SLAIN2: variants seen among roughly 807,000 people sequenced by gnomAD.
SLAIN2 encodes SLAIN motif-containing protein 2.
A neutral mutation model predicts 56.6 loss-of-function variants in SLAIN2; 31 were observed. The ratio of observed to expected loss-of-function variants is 0.55; its 90% CI spans 0.41 to 0.74. SLAIN2 has a LOEUF of 0.74. Among genes scored for constraint, SLAIN2 ranks in the 30% least tolerant of loss-of-function variants. The probability of loss-of-function intolerance (pLI) is 0.00; values close to 1 mark genes in which losing one functional copy is unlikely to be tolerated. For missense variants in SLAIN2, 777 were observed against 754.2 expected, an observed-to-expected ratio of 1.03 and a Z score of -0.35; for synonymous variants, 317 against 284.9, an observed-to-expected ratio of 1.11 and a Z score of -1.13.
chr4:48,369,091 T>G (rs1715600672), intron 1 of SLAIN2, among the ~76,000 whole-genome samples: 1 of 152,244 alleles, frequency 6.6e-6, no homozygotes. Flanking sequence ...AGTGTCTTAT[T>G]TGAAAATCAC....
chr4:48,353,097 A>G (rs1440464250), intron 1 of SLAIN2, among the ~76,000 whole-genome samples: 3 of 152,194 alleles, frequency 2.0e-5, no homozygotes, highest in Admixed American at 1.3e-4. Flanking sequence ...TGTAAGTCCA[A>G]TTAAACCTCT....
intron 2 of SLAIN2, among the ~76,000 whole-genome samples, chr4:48,373,734 C>T (rs1715729174): frequency 6.6e-6 from 1 of 152,086 alleles, no homozygotes; most frequent in South Asian, 2.1e-4. Flanking sequence ...TTCAGAACAA[C>T]TTAAGTGTGC....
At chr4:48,408,225 G>T (rs1372597448) in intron 6 of SLAIN2, among the ~76,000 whole-genome samples, 1 of 152,082 alleles carries the variant, frequency 6.6e-6, no homozygotes, top group Non-Finnish European at 1.5e-5. Flanking sequence ...AGCCACTCAG[G>T]AGGGTGAGGT....
At chr4:48,364,682 C>T (rs1393471086) in intron 1 of SLAIN2, among the ~76,000 whole-genome samples, 2 of 122,724 alleles carry the variant, frequency 1.6e-5, no homozygotes, top group Admixed American at 8.0e-5. Context: ...GAGATCGGCC[C>T]GGCCAACACA....
chr4:48,395,766 T>C (rs1716360848), intron 6 of SLAIN2, among the ~76,000 whole-genome samples: 1 of 150,172 alleles, frequency 6.7e-6, no homozygotes. Context: ...TAATAGGGGT[T>C]ATTATAGAAA....
chr4:48,377,998 C>T lies in SLAIN2; in HGVS notation c.641C>T (p.Ser214Phe). The T allele has an allele frequency of 6.2e-7, 1 of 1,613,934 alleles. No individual in the cohort carries two copies. The highest frequency in any genetic ancestry group is 1.1e-5 in the South Asian group (1 of 91,084). Residue 214 changes from serine (S) to phenylalanine (F), a missense_variant, in exon 3 of 8, where the codon TCT becomes TTT. Coordinates refer to ENST00000264313, the MANE Select transcript of SLAIN2 (RefSeq NM_020846.2). ...AGCCCATACAGCAGTGGCTTCAATT[C>T]TCCATCCTCAACCCCAGTGCGACCT... ...ASSPYSSGFNSPSSTPVRPPI... is the reference protein window; with the variant it reads ...ASSPYSSGFNFPSSTPVRPPI...
intron 6 of SLAIN2, among the ~76,000 whole-genome samples, chr4:48,398,315 G>T (rs1478855696): frequency 6.6e-6 from 1 of 152,084 alleles, no homozygotes; most frequent in Non-Finnish European, 1.5e-5. Context: ...GTCTGTTTAT[G>T]TTCTTTGCCT....
At chr4:48,347,328 T>G (rs879736351) in intron 1 of SLAIN2, among the ~76,000 whole-genome samples, 1 of 92,378 alleles carries the variant, frequency 1.1e-5, no homozygotes, top group African/African-American at 4.1e-5. Context: ...CCACCCCCCC[T>G]CCCCCACCCC....
intron 2 of SLAIN2, among the ~76,000 whole-genome samples, chr4:48,371,090 G>GT (rs1234929718): frequency 4.0e-5 from 6 of 149,160 alleles, no homozygotes; most frequent in East Asian, 2.0e-4. Context: ...TTTTGTTTTT[G>GT]TTTTTTGTTT....
At chr4:48,381,957 T>G (rs1337106837) in intron 4 of SLAIN2, among the ~76,000 whole-genome samples, 1 of 152,156 alleles carries the variant, frequency 6.6e-6, no homozygotes, top group African/African-American at 2.4e-5. Context: ...TATAGGAGAA[T>G]TCTTTGAAAA....
At position 48,378,061 on chromosome 4, in the gene SLAIN2, G is replaced by A; in HGVS notation, c.703+1G>A. On this transcript the variant is annotated splice_donor_variant, in intron 3 of 7. Coordinates refer to ENST00000264313, the MANE Select transcript of SLAIN2 (RefSeq NM_020846.2). LOFTEE classifies it high-confidence loss of function. ...CAGCTTATACTTCCTGGAAATTCAGGTAAGGAGAAAATGATATGGAGCTAT... is the reference window on the plus strand; with the variant it reads ...CAGCTTATACTTCCTGGAAATTCAGATAAGGAGAAAATGATATGGAGCTAT... 6.2e-7 allele frequency: 1 copy of A among 1,611,970 alleles called. No homozygotes were observed. The highest frequency in any genetic ancestry group is 8.5e-7 in the Non-Finnish European group (1 of 1,179,304).
At chr4:48,421,004 T>G (rs1414525262) in intron 7 of SLAIN2, among the ~76,000 whole-genome samples, 1 of 150,444 alleles carries the variant, frequency 6.6e-6, no homozygotes, top group Non-Finnish European at 1.5e-5. Context: ...GTTTTTTGTT[T>G]TGTTTTTGTT....
chr4:48,369,680 T>G (rs1162356615), intron 1 of SLAIN2, among the ~76,000 whole-genome samples, 169 bp from the exon 2 acceptor site: 2 of 152,192 alleles, frequency 1.3e-5, no homozygotes, highest in Non-Finnish European at 2.9e-5. Flanking sequence ...TTATATTGAT[T>G]GTTTTACTAT....
At chr4:48,418,541 ATTCTATT>A (rs1560467257) in intron 6 of SLAIN2, among the ~76,000 whole-genome samples, 1 of 151,962 alleles carries the variant, frequency 6.6e-6, no homozygotes, top group African/African-American at 2.4e-5. Context: ...ATATTGCTGG[ATTCTATT>A]TTCTAATATT....
intron 2 of SLAIN2, among the ~76,000 whole-genome samples, chr4:48,371,097 G>T (rs1481197371): frequency 1.4e-3 from 206 of 149,380 alleles, no homozygotes; most frequent in African/African-American, 4.1e-3. Context: ...TTTGTTTTTT[G>T]TTTTTTGTTT....
chr4:48,360,084 G>C (rs1342612169), intron 1 of SLAIN2, among the ~76,000 whole-genome samples: 1 of 151,150 alleles, frequency 6.6e-6, no homozygotes, highest in Non-Finnish European at 1.5e-5. Flanking sequence ...AACCTGGGAG[G>C]CGGAGGTTGC....
chr4:48,405,335 A>G (rs150121418), intron 6 of SLAIN2, among the ~76,000 whole-genome samples: 244 of 152,242 alleles, frequency 1.6e-3, no homozygotes, highest in African/African-American at 4.4e-3. Flanking sequence ...TAGTTTTATC[A>G]TCCAAGTTTT....
intron 1 of SLAIN2, among the ~76,000 whole-genome samples, chr4:48,362,383 T>TTCTCTC (rs371621625): frequency 3.5e-4 from 53 of 150,772 alleles, no homozygotes; most frequent in Non-Finnish European, 5.9e-4. Context: ...ATTTATTTAT[T>TTCTCTC]TCTCTCTCTC....
intron 1 of SLAIN2, among the ~76,000 whole-genome samples, chr4:48,362,901 C>A (rs1715372148): frequency 4.4e-5 from 4 of 91,714 alleles, no homozygotes; most frequent in Non-Finnish European, 6.5e-5. Flanking sequence ...AGGCAGAGGA[C>A]CCTGCGGCCT....
Sources: gnomAD v4.1 joint callset for allele counts (sites outside exome capture counted in the v4.1 genomes callset) on GRCh38, gnomAD v4.1.1 for gene constraint, MANE v1.5 for transcripts, NCBI Gene and HGNC (gene_info 2026-07-23, HGNC 2026-07-21) for gene names.